CDYL: variants seen among roughly 807,000 people sequenced by gnomAD.
CDYL encodes chromodomain Y-like protein.
CDYL carries 8 observed loss-of-function variants against 47.3 expected under a neutral mutation model. That is an observed-to-expected ratio of 0.17 (90% CI 0.10 to 0.31). The LOEUF (loss-of-function observed/expected upper bound fraction) is 0.31. Ranked by LOEUF, CDYL falls within the 10% of genes least tolerant of loss-of-function variation. CDYL has a pLI of 1.00. For synonymous variants in CDYL, 266 were observed against 265.0 expected (o/e 1.00, Z -0.04); for missense variants, 471 against 701.4 (o/e 0.67, Z 3.71).
At chr6:4,708,969 T>G (rs1410448697) in intron 1 of CDYL, among the ~76,000 whole-genome samples, 2 of 152,032 alleles carry the variant, frequency 1.3e-5, no homozygotes, top group Non-Finnish European at 2.9e-5. Flanking sequence ...ATCATGTCAC[T>G]GCACTCCAGC....
chr6:4,925,409 C>CTTTTTTTT (rs58457972), intron 2 of CDYL, among the ~76,000 whole-genome samples: 1,868 of 108,510 alleles, frequency 0.017, 12 homozygotes, highest in Non-Finnish European at 0.023. Flanking sequence ...ATTCTTTTTT[C>CTTTTTTTT]TTTTTTTTTT....
intron 1 of CDYL, among the ~76,000 whole-genome samples, chr6:4,872,045 T>C (rs1334254831): frequency 6.6e-6 from 1 of 152,216 alleles, no homozygotes; most frequent in East Asian, 1.9e-4. Flanking sequence ...GGTCTCAGTA[T>C]GTGTGCGCAA....
At chr6:4,707,151 T>C (rs900514929) in intron 1 of CDYL, among the ~76,000 whole-genome samples, 1 of 152,190 alleles carries the variant, frequency 6.6e-6, no homozygotes, top group Non-Finnish European at 1.5e-5. Context: ...TTGATCCTTT[T>C]CTACATTCCC....
chr6:4,885,552 A>G (rs1761879103), intron 1 of CDYL, among the ~76,000 whole-genome samples: 1 of 152,166 alleles, frequency 6.6e-6, no homozygotes, highest in Non-Finnish European at 1.5e-5. Context: ...GGTGACTGTT[A>G]CACTGTTTCT....
chr6:4,876,122 T>A (rs1761614765), intron 1 of CDYL, among the ~76,000 whole-genome samples: 1 of 152,212 alleles, frequency 6.6e-6, no homozygotes, highest in Non-Finnish European at 1.5e-5. Context: ...TCAGTTTCCC[T>A]CCCACCCTTG....
In CDYL at chr6:4,952,468, G is replaced by T. The variant is rs1161401236; in HGVS notation, c.1476+59G>T. ...TTAAAAAATAGAAACTTTTCCCTCA[G>T]AGAGCTCACAAATTTGCAATTATTC... On this transcript the variant is annotated intron_variant, in intron 6 of 6. Transcript: ENST00000397588. 5.2e-6 allele frequency: 8 copies of T among 1,550,890 alleles called. No homozygotes were observed. The Admixed American group carries it at 1.5e-4, about 30-fold the overall frequency.
intron 3 of CDYL, among the ~76,000 whole-genome samples, chr6:4,754,374 C>G (rs1300305974): frequency 6.6e-6 from 1 of 152,160 alleles, no homozygotes; most frequent in Non-Finnish European, 1.5e-5. Flanking sequence ...ACATATTTAG[C>G]TTTGTAAGAT....
chr6:4,710,576 G>A (rs1757133812), intron 1 of CDYL, among the ~76,000 whole-genome samples: 1 of 152,028 alleles, frequency 6.6e-6, no homozygotes, highest in Non-Finnish European at 1.5e-5. Context: ...AGGGAGGGAG[G>A]AACCCAGTGG....
intron 1 of CDYL, among the ~76,000 whole-genome samples, chr6:4,780,301 C>G (rs1410203886): frequency 6.8e-6 from 1 of 147,712 alleles, no homozygotes. Context: ...TTCATGTTGT[C>G]AGCTCACTAC....
intron 2 of CDYL, among the ~76,000 whole-genome samples, chr6:4,721,753 G>A (rs948994439): frequency 6.6e-6 from 1 of 152,092 alleles, no homozygotes; most frequent in African/African-American, 2.4e-5. Flanking sequence ...TCCCTGGAGA[G>A]TGAAAAGATT....
Position 4,945,911 on chromosome 6 carries a change from C to A in CDYL, c.1332+2155C>A, listed in dbSNP as rs1005859103. Among the ~76,000 whole-genome samples the A allele has an allele frequency of 2.6e-5, 4 of 152,232 alleles. No homozygotes were observed. The East Asian group carries it at 7.7e-4, about 29-fold the overall frequency. On this transcript the variant is annotated intron_variant, in intron 5 of 6. Coordinates refer to ENST00000397588, the MANE Select transcript of CDYL (RefSeq NM_004824.4). ...GCTGGTGGACTAGACCTTCCATAGC[C>A]ACAGAGAGTGATGCTGCCTGAGGAT... is the stretch of plus-strand genomic sequence containing the variant.
intron 3 of CDYL, among the ~76,000 whole-genome samples, chr6:4,760,274 G>C (rs1649495377): frequency 6.6e-6 from 1 of 151,712 alleles, no homozygotes; most frequent in Admixed American, 6.6e-5. Flanking sequence ...GAGCTTAGAG[G>C]GTCGAAGCAC....
At chr6:4,871,529 A>G (rs1201796623) in intron 1 of CDYL, among the ~76,000 whole-genome samples, 1 of 152,072 alleles carries the variant, frequency 6.6e-6, no homozygotes, top group Non-Finnish European at 1.5e-5. Flanking sequence ...GTGAAACCAG[A>G]CTCTCTAGGA....
At chr6:4,939,844 G>T (rs1008269590) in intron 4 of CDYL, among the ~76,000 whole-genome samples, 1 of 152,120 alleles carries the variant, frequency 6.6e-6, no homozygotes, top group South Asian at 2.1e-4. Flanking sequence ...ATAATATCAC[G>T]CTGAATGTAC....
chr6:4,865,283 G>A (rs528834921), intron 1 of CDYL, among the ~76,000 whole-genome samples: 3 of 152,132 alleles, frequency 2.0e-5, no homozygotes, highest in East Asian at 1.9e-4. Flanking sequence ...TACTCATCCC[G>A]CCACTCGGGC....
intron 5 of CDYL, among the ~76,000 whole-genome samples, chr6:4,944,213 T>C (rs1758446395): frequency 2.6e-5 from 4 of 152,252 alleles, no homozygotes; most frequent in Admixed American, 2.6e-4. Context: ...GCTTGTGATT[T>C]ATCAAGCAGT....
At chr6:4,830,689 G>C (rs1415613610) in intron 1 of CDYL, among the ~76,000 whole-genome samples, 3 of 151,480 alleles carry the variant, frequency 2.0e-5, no homozygotes, top group Non-Finnish European at 4.4e-5. Context: ...TGACATGCTG[G>C]TGCACTGCAC....
intron 1 of CDYL, among the ~76,000 whole-genome samples, chr6:4,850,325 T>C (rs941750520): frequency 5.9e-5 from 9 of 152,220 alleles, no homozygotes; most frequent in African/African-American, 1.4e-4. Flanking sequence ...TGTAGTGTCT[T>C]ATACCTTTCA....
At chr6:4,734,215 G>A (rs1757660383) in intron 2 of CDYL, among the ~76,000 whole-genome samples, 1 of 152,078 alleles carries the variant, frequency 6.6e-6, no homozygotes, top group Non-Finnish European at 1.5e-5. Context: ...CTTTATGTAA[G>A]TCATGCAGCT....
Sources: gnomAD v4.1 joint callset for allele counts (sites outside exome capture counted in the v4.1 genomes callset) on GRCh38, gnomAD v4.1.1 for gene constraint, MANE v1.5 for transcripts, NCBI Gene and HGNC (gene_info 2026-07-23, HGNC 2026-07-21) for gene names.